Variants in ANKRD44 observed in about 807,000 individuals in gnomAD.
ANKRD44 encodes ankyrin repeat domain 44.
Under a neutral mutation model 116.0 loss-of-function variants are expected in ANKRD44, and 35 were observed. That is an observed-to-expected ratio of 0.30 (90% CI 0.23 to 0.40). The LOEUF (loss-of-function observed/expected upper bound fraction) is 0.40, where lower values mean the gene tolerates loss of function less well. ANKRD44 is among the 10% of genes least tolerant of loss of function. The pLI is 1.00. For missense variants in ANKRD44, 1,014 were observed against 1,242.6 expected (o/e 0.82, Z 2.77); for synonymous variants, 435 against 461.8 (o/e 0.94, Z 0.74).
At chr2:197,085,606 C>G (rs2077902137) in intron 13 of ANKRD44, among the ~76,000 whole-genome samples, 1 of 152,168 alleles carries the variant, frequency 6.6e-6, no homozygotes, top group Admixed American at 6.5e-5. Flanking sequence ...GCTACACTCC[C>G]ACCAGCCCCA....
intron 2 of ANKRD44, among the ~76,000 whole-genome samples, chr2:197,166,122 T>C (rs2080095946): frequency 2.0e-5 from 3 of 152,204 alleles, no homozygotes; most frequent in Admixed American, 1.3e-4. Flanking sequence ...TAAAGTGGAA[T>C]ATCTTTATTG....
chr2:197,209,641 T>C (rs1409483415), intron 1 of ANKRD44, among the ~76,000 whole-genome samples: 1 of 152,238 alleles, frequency 6.6e-6, no homozygotes, highest in African/African-American at 2.4e-5. Context: ...GATCCACCAG[T>C]TATGTCATCA....
chr2:196,985,286 T>C (rs1375166119), downstream of ANKRD44, among the ~76,000 whole-genome samples: 1 of 152,234 alleles, frequency 6.6e-6, no homozygotes. Flanking sequence ...CCAGCTAAAC[T>C]AGGGCTGACT....
intron 27 of ANKRD44, chr2:196,990,874 C>T: frequency 8.1e-7 from 1 of 1,232,560 alleles, no homozygotes; most frequent in Non-Finnish European, 1.0e-6. Flanking sequence ...AAAATGAGGG[C>T]CAGGCAGTCA....
At chr2:197,147,723 TGACAATAGTATACTA>T (rs912154487) in intron 2 of ANKRD44, 3 of 255,594 alleles carry the variant, frequency 1.2e-5, no homozygotes, top group South Asian at 7.2e-5. Flanking sequence ...GTGGGAAGGC[TGACAATAGTATACTA>T]GACAATAGTA....
At chr2:196,985,712 A>G (rs1235526743), downstream of ANKRD44, among the ~76,000 whole-genome samples, 1 of 152,164 alleles carries the variant, frequency 6.6e-6, no homozygotes, top group Non-Finnish European at 1.5e-5. Flanking sequence ...CTAACATTCT[A>G]TACTACTTGA....
At position 196,988,975 on chromosome 2, in the gene ANKRD44, G is replaced by A. The variant is rs2075872025; in HGVS notation, c.*616C>T. 1 of 985,408 alleles carries A rather than the reference G, an allele frequency of 1.0e-6. No homozygotes were observed. The highest frequency in any genetic ancestry group is 1.2e-6 in the Non-Finnish European group (1 of 829,946). The allele number at this position is 985,408 out of a possible 1,614,324, so 61.0% of individuals were successfully genotyped here. A position where few individuals can be genotyped will look rare whatever the true frequency, so the allele number is the denominator to read the frequency against. On this transcript the variant is annotated 3_prime_UTR_variant, in exon 28 of 28. Coordinates refer to ENST00000282272, the MANE Select transcript of ANKRD44 (RefSeq NM_001195144.2). Reference sequence around the variant, plus strand: ...GCATCCAGACTGCAATGTCTTCTAAGCTCTAAGCTGGCTACAGACTGTGGC... The same window carrying A: ...GCATCCAGACTGCAATGTCTTCTAAACTCTAAGCTGGCTACAGACTGTGGC...
chr2:197,196,159 C>A (rs1469696246), intron 1 of ANKRD44, among the ~76,000 whole-genome samples: 2 of 152,136 alleles, frequency 1.3e-5, no homozygotes, highest in Admixed American at 1.3e-4. Flanking sequence ...CTTTGTATAA[C>A]TGTATCTTAC....
chr2:197,021,822 G>C (rs751768620), intron 17 of ANKRD44, among the ~76,000 whole-genome samples: 1 of 152,158 alleles, frequency 6.6e-6, no homozygotes, highest in Non-Finnish European at 1.5e-5. Flanking sequence ...TCTCTTAAAC[G>C]TGATTAATTT....
At chr2:196,976,214 G>A (rs1000293788) in intron 21 of ANKRD44, among the ~76,000 whole-genome samples, 1 of 152,046 alleles carries the variant, frequency 6.6e-6, no homozygotes, top group African/African-American at 2.4e-5. Context: ...TTGGCTTACT[G>A]TAACCTCCGC....
intron 1 of ANKRD44, among the ~76,000 whole-genome samples, chr2:197,257,019 AAG>A (rs1432277779): frequency 6.6e-6 from 1 of 152,194 alleles, no homozygotes; most frequent in Non-Finnish European, 1.5e-5. Context: ...AAACCTCTAC[AAG>A]CAGCTCATCT....
At chr2:197,191,803 A>AAAAC (rs1559137565) in intron 1 of ANKRD44, among the ~76,000 whole-genome samples, 1 of 152,202 alleles carries the variant, frequency 6.6e-6, no homozygotes, top group African/African-American at 2.4e-5. Flanking sequence ...TGCACATACT[A>AAAAC]AAACAAACAA....
In ANKRD44 at chr2:197,143,970, T is replaced by G. The variant is rs547461991; in HGVS notation, c.190+3057A>C. Among the ~76,000 whole-genome samples, 5 of 152,306 alleles carry G rather than the reference T, an allele frequency of 3.3e-5. No individual in the cohort carries two copies. The South Asian group carries it at 1.0e-3, about 32-fold the overall frequency. On this transcript the variant is annotated intron_variant, in intron 3 of 27. Transcript: ENST00000282272. The stretch of plus-strand genomic sequence containing the variant: ...ACTGTGGTCCTTTTTCTGTGCACTC[T>G]GCTTTCTATATCTCAACCCCAGTAT...
chr2:197,261,172 T>C (rs1323775104), intron 1 of ANKRD44, among the ~76,000 whole-genome samples: 2 of 151,386 alleles, frequency 1.3e-5, no homozygotes, highest in Non-Finnish European at 3.0e-5. Context: ...TCCTGAATGG[T>C]ATTGCCTAGG....
chr2:197,266,200 T>C (rs943831235), intron 1 of ANKRD44, among the ~76,000 whole-genome samples: 5 of 152,180 alleles, frequency 3.3e-5, no homozygotes, highest in African/African-American at 1.2e-4. Flanking sequence ...AGGTGAAGAC[T>C]ATCTAAAGAA....
intron 3 of ANKRD44, among the ~76,000 whole-genome samples, chr2:197,140,323 A>G (rs575044173): frequency 6.6e-6 from 1 of 151,832 alleles, no homozygotes; most frequent in African/African-American, 2.4e-5. Context: ...ATTAAAATAT[A>G]TTGTTTAAAT....
At chr2:197,277,175 C>T (rs2083115819) in intron 1 of ANKRD44, among the ~76,000 whole-genome samples, 2 of 151,850 alleles carry the variant, frequency 1.3e-5, no homozygotes, top group Admixed American at 1.3e-4. Context: ...GATTGGCCCA[C>T]CTCGGCCTCC....
At chr2:197,180,510 C>T (rs1367679268) in intron 2 of ANKRD44, among the ~76,000 whole-genome samples, 2 of 152,100 alleles carry the variant, frequency 1.3e-5, no homozygotes, top group Non-Finnish European at 2.9e-5. Context: ...CCTCCTTACT[C>T]CCAGTGGTTT....
At chr2:197,126,746 C>T (rs1314368656) in intron 4 of ANKRD44, among the ~76,000 whole-genome samples, 1 of 151,124 alleles carries the variant, frequency 6.6e-6, no homozygotes. Flanking sequence ...CCATCTCTAA[C>T]GAAGAAAAAA....
Sources: allele counts gnomAD v4.1 joint callset (sites outside exome capture counted in the v4.1 genomes callset), GRCh38; gene constraint gnomAD v4.1.1; transcripts MANE v1.5; gene names NCBI Gene and HGNC (gene_info 2026-07-23, HGNC 2026-07-21).